The following NETO1 variants were observed in gnomAD, a reference collection of about 807,000 sequenced individuals.
NETO1 encodes neuropilin and tolloid like 1.
Under a neutral mutation model 61.3 loss-of-function variants are expected in NETO1, and 26 were observed. The ratio of observed to expected loss-of-function variants is 0.42; its 90% CI spans 0.31 to 0.59. NETO1 has a LOEUF of 0.59. Ranked by LOEUF, NETO1 falls within the 20% of genes least tolerant of loss-of-function variation. The pLI is 0.12. For missense variants in NETO1, 531 were observed against 662.8 expected (o/e 0.80, Z 2.18); for synonymous variants, 225 against 225.8 (o/e 1.00, Z 0.03).
At chr18:72,791,200 T>A (rs183065100) in intron 6 of NETO1, among the ~76,000 whole-genome samples, 1 of 152,190 alleles carries the variant, frequency 6.6e-6, no homozygotes, top group South Asian at 2.1e-4. Context: ...ACATCAGATA[T>A]TATATTTTCT....
intron 3 of NETO1, among the ~76,000 whole-genome samples, chr18:72,859,582 T>C (rs1016487581): frequency 6.6e-6 from 1 of 152,162 alleles, no homozygotes; most frequent in Non-Finnish European, 1.5e-5. Context: ...ACAAACCTGA[T>C]CACATCCCTC....
intron 4 of NETO1, among the ~76,000 whole-genome samples, chr18:72,843,454 A>G (rs2073994413): frequency 6.6e-6 from 1 of 152,226 alleles, no homozygotes; most frequent in African/African-American, 2.4e-5. Context: ...TAGAGATACT[A>G]TGATATTTTC....
chr18:72,773,226 C>T (rs1214718059), intron 7 of NETO1, among the ~76,000 whole-genome samples: 6 of 152,094 alleles, frequency 3.9e-5, no homozygotes, highest in African/African-American at 1.4e-4. Flanking sequence ...TCCAAGGAAG[C>T]TTGGGCATTT....
chr18:72,796,943 CCTA>C (rs1396685916), intron 4 of NETO1, among the ~76,000 whole-genome samples: 1 of 152,200 alleles, frequency 6.6e-6, no homozygotes, highest in East Asian at 1.9e-4. Flanking sequence ...ATATTTAACA[CCTA>C]CTGTGTAATA....
At chr18:72,846,200 G>A (rs2074076808) in intron 4 of NETO1, among the ~76,000 whole-genome samples, 1 of 151,376 alleles carries the variant, frequency 6.6e-6, no homozygotes, top group Non-Finnish European at 1.5e-5. Context: ...GCACAGCCTA[G>A]GAGTTGTCAA....
At chr18:72,834,954 A>G (rs1001061803) in intron 4 of NETO1, 2 of 768,042 alleles carry the variant, frequency 2.6e-6, no homozygotes, top group African/African-American at 3.8e-5. Context: ...ATATTACATA[A>G]AACAATATAA....
chr18:72,776,041 C>T (rs2071534961), intron 7 of NETO1, among the ~76,000 whole-genome samples: 1 of 151,786 alleles, frequency 6.6e-6, no homozygotes, highest in African/African-American at 2.4e-5. Flanking sequence ...TAGTTTATTT[C>T]CCAAAAAAAC....
chr18:72,799,821 T>C (rs1304847656), intron 4 of NETO1, among the ~76,000 whole-genome samples: 1 of 152,258 alleles, frequency 6.6e-6, no homozygotes, highest in African/African-American at 2.4e-5. Flanking sequence ...CAGAGATTTC[T>C]TGTAGACAAA....
At chr18:72,819,793 TA>T (rs1337788133) in intron 4 of NETO1, among the ~76,000 whole-genome samples, 1 of 152,088 alleles carries the variant, frequency 6.6e-6, no homozygotes, top group African/African-American at 2.4e-5. Context: ...AAGTAAAACT[TA>T]CCAAAAGTGA....
intron 3 of NETO1, among the ~76,000 whole-genome samples, chr18:72,864,320 G>A (rs2074669287): frequency 6.6e-6 from 1 of 152,172 alleles, no homozygotes; most frequent in Admixed American, 6.5e-5. Flanking sequence ...GATGTCACTT[G>A]TTAACACAAA....
At chr18:72,821,404 C>G (rs1280080773) in intron 4 of NETO1, among the ~76,000 whole-genome samples, 2 of 118,722 alleles carry the variant, frequency 1.7e-5, no homozygotes, top group African/African-American at 3.6e-5. Flanking sequence ...AAAAAAGAAA[C>G]AAGAAAAAAA....
chr18:72,744,596 C>T lies in NETO1; in HGVS notation c.*3583G>A, dbSNP rs1199236578. 1 of 152,044 alleles carries T rather than the reference C, an allele frequency of 6.6e-6. No homozygotes were observed. Among genetic ancestry groups the T allele is most frequent in the Admixed American group, 6.6e-5 (1 of 15,250 alleles). The allele number at this position is 152,044 out of a possible 1,614,324, so 9.4% of individuals were successfully genotyped here. On this transcript the variant is annotated 3_prime_UTR_variant, in exon 11 of 11. Transcript: ENST00000327305. ...GAAAAATGGCACCGAAGCTAGCTCG[C>T]CTCAGTGCAATTAGACAAAACCCTA...
At chr18:72,760,453 G>C (rs189414514) in intron 7 of NETO1, among the ~76,000 whole-genome samples, 2 of 152,204 alleles carry the variant, frequency 1.3e-5, no homozygotes, top group South Asian at 2.1e-4. Context: ...ACAGGACAGA[G>C]AGCCCAGCTG....
At chr18:72,831,425 C>A (rs1488294349) in intron 4 of NETO1, among the ~76,000 whole-genome samples, 1 of 152,198 alleles carries the variant, frequency 6.6e-6, no homozygotes, top group Non-Finnish European at 1.5e-5. Context: ...AGCAATATAA[C>A]TCACTGTCTC....
At chr18:72,742,935 A>C (rs2145049746), downstream of NETO1, among the ~76,000 whole-genome samples, 1 of 152,274 alleles carries the variant, frequency 6.6e-6, no homozygotes, top group East Asian at 1.9e-4. Context: ...AGTAGAAGTA[A>C]AAAAGCCAGA....
chr18:72,767,302 T>C (rs547814229), intron 7 of NETO1, among the ~76,000 whole-genome samples: 10 of 152,338 alleles, frequency 6.6e-5, no homozygotes, highest in Non-Finnish European at 1.5e-4. Context: ...ACAATGGTTG[T>C]AAAGCTAGAA....
intron 7 of NETO1, among the ~76,000 whole-genome samples, chr18:72,768,097 A>G (rs1053859471): frequency 1.3e-5 from 2 of 152,142 alleles, no homozygotes; most frequent in Non-Finnish European, 2.9e-5. Context: ...ATTCCATTTC[A>G]GATCTTTTTC....
chr18:72,808,587 T>C (rs1340585052), intron 4 of NETO1, among the ~76,000 whole-genome samples: 2 of 152,178 alleles, frequency 1.3e-5, no homozygotes, highest in African/African-American at 2.4e-5. Flanking sequence ...AAAGTTATGC[T>C]TTCTCAAAAT....
chr18:72,819,528 C>T (rs918071391), intron 4 of NETO1, among the ~76,000 whole-genome samples: 1 of 152,112 alleles, frequency 6.6e-6, no homozygotes, highest in African/African-American at 2.4e-5. Flanking sequence ...CCCTAGTCAT[C>T]AAGCATTTAA....
Sources: gnomAD v4.1 joint callset for allele counts (sites outside exome capture counted in the v4.1 genomes callset) on GRCh38, gnomAD v4.1.1 for gene constraint, MANE v1.5 for transcripts, NCBI Gene and HGNC (gene_info 2026-07-23, HGNC 2026-07-21) for gene names.